The following GRAMD1B variants were observed in gnomAD, a reference collection of about 807,000 sequenced individuals.
GRAMD1B encodes protein Aster-B.
GRAMD1B carries 37 observed loss-of-function variants against 99.7 expected under a neutral mutation model. The ratio of observed to expected loss-of-function variants is 0.37; its 90% CI spans 0.29 to 0.49. GRAMD1B has a LOEUF of 0.49. Ranked by LOEUF, GRAMD1B falls within the 20% of genes least tolerant of loss-of-function variation. GRAMD1B has a pLI of 0.98. For synonymous variants in GRAMD1B, 427 were observed against 387.6 expected, an observed-to-expected ratio of 1.10 and a Z score of -1.19; for missense variants, 888 against 1,009.2, an observed-to-expected ratio of 0.88 and a Z score of 1.63.
intron 2 of GRAMD1B, among the ~76,000 whole-genome samples, chr11:123,543,878 C>G (rs1472896494): frequency 6.6e-6 from 1 of 152,172 alleles, no homozygotes; most frequent in Non-Finnish European, 1.5e-5. Context: ...CTGCTCTTGC[C>G]CTATCACAAC....
At chr11:123,570,993 C>T (rs1387531571) in intron 2 of GRAMD1B, among the ~76,000 whole-genome samples, 1 of 152,142 alleles carries the variant, frequency 6.6e-6, no homozygotes, top group East Asian at 1.9e-4. Context: ...GACAGTCTGA[C>T]TGGGAATGCG....
At chr11:123,377,637 T>C (rs1183898333) in intron 1 of GRAMD1B, among the ~76,000 whole-genome samples, 1 of 152,196 alleles carries the variant, frequency 6.6e-6, no homozygotes, top group Non-Finnish European at 1.5e-5. Context: ...CTTGCTTTTA[T>C]TGAGCACCCA....
chr11:123,574,702 C>G (rs1026323883), intron 2 of GRAMD1B, among the ~76,000 whole-genome samples: 3 of 152,086 alleles, frequency 2.0e-5, no homozygotes, highest in African/African-American at 7.2e-5. Context: ...CAGTGTGGGG[C>G]ACTCATGAGA....
intron 1 of GRAMD1B, among the ~76,000 whole-genome samples, chr11:123,448,025 T>C (rs978810576): frequency 6.8e-6 from 1 of 147,160 alleles, no homozygotes; most frequent in Non-Finnish European, 1.5e-5. Flanking sequence ...TTCTTTTATA[T>C]ATGTATTTAA....
intron 14 of GRAMD1B, among the ~76,000 whole-genome samples, chr11:123,612,098 T>G (rs1285877603): frequency 6.6e-6 from 1 of 151,800 alleles, no homozygotes; most frequent in Non-Finnish European, 1.5e-5. Flanking sequence ...ATTCTTTTTT[T>G]TTTTCTGAGA....
chr11:123,438,981 TG>T (rs552581346), intron 1 of GRAMD1B, among the ~76,000 whole-genome samples: 6 of 152,330 alleles, frequency 3.9e-5, no homozygotes, highest in African/African-American at 9.6e-5. Context: ...GGTTGCTGTG[TG>T]TACAAGAGCT....
intron 2 of GRAMD1B, among the ~76,000 whole-genome samples, chr11:123,482,278 T>C (rs1951655850): frequency 6.6e-6 from 1 of 152,068 alleles, no homozygotes; most frequent in South Asian, 2.1e-4. Flanking sequence ...TTTATATTTT[T>C]AGTAGAGACG....
Position 123,431,153 on chromosome 11 carries a change from T to C in GRAMD1B, c.361T>C (p.Cys121Arg), listed in dbSNP as rs866325936. 7 of 701,782 alleles carry C rather than the reference T, an allele frequency of 1.0e-5. No homozygotes were observed. Among genetic ancestry groups the C allele is most frequent in the Non-Finnish European group, 1.3e-5 (5 of 384,392 alleles). The allele number at this position is 701,782 out of a possible 1,614,324, so 43.5% of individuals were successfully genotyped here. Residue 121 changes from cysteine to arginine, a missense_variant, in exon 1 of 20, where the codon TGC becomes CGC. This residue lies in a region of GRAMD1B where 233 missense variants were observed against 154.6 expected (regional missense o/e 1.51). Transcript: ENST00000635736. ...KWLRVRERKE[C>R]SESSSQQSSQ... ...GCTGAGGGTGAGGGAGCGGAAGGAG[T>C]GCAGTGAAAGCAGGTACGTCCCCGT...
intron 1 of GRAMD1B, among the ~76,000 whole-genome samples, chr11:123,366,527 G>A (rs12223538): frequency 0.34 from 51,457 of 152,222 alleles, 14,106 homozygotes; most frequent in African/African-American, 0.77. Flanking sequence ...TAATTTAGGT[G>A]TCAAACCTTT....
intron 2 of GRAMD1B, among the ~76,000 whole-genome samples, chr11:123,488,273 G>C (rs1159697653): frequency 6.6e-6 from 1 of 152,186 alleles, no homozygotes; most frequent in African/African-American, 2.4e-5. Flanking sequence ...CCAACACTGA[G>C]TCTATAGCAC....
chr11:123,589,614 T>TTTTATATA (rs762751523), intron 4 of GRAMD1B, among the ~76,000 whole-genome samples: 1 of 128,272 alleles, frequency 7.8e-6, no homozygotes. Flanking sequence ...TGGCTAATTT[T>TTTTATATA]TATATATATA....
At chr11:123,387,485 A>G (rs970596498) in intron 1 of GRAMD1B, among the ~76,000 whole-genome samples, 1 of 152,100 alleles carries the variant, frequency 6.6e-6, no homozygotes, top group African/African-American at 2.4e-5. Flanking sequence ...GCTGGCAAAC[A>G]AAAGATGGGC....
intron 1 of GRAMD1B, among the ~76,000 whole-genome samples, chr11:123,461,343 C>T (rs1950404332): frequency 6.6e-6 from 1 of 152,222 alleles, no homozygotes; most frequent in Non-Finnish European, 1.5e-5. Context: ...TCCCCCAGGG[C>T]ACCAGCATTT....
At chr11:123,567,154 C>G (rs573921856) in intron 2 of GRAMD1B, among the ~76,000 whole-genome samples, 1 of 152,160 alleles carries the variant, frequency 6.6e-6, no homozygotes, top group East Asian at 1.9e-4. Context: ...GTGGGACCAA[C>G]AAGTGCCAAT....
chr11:123,527,276 G>A (rs1942882655), intron 2 of GRAMD1B, among the ~76,000 whole-genome samples: 1 of 152,152 alleles, frequency 6.6e-6, no homozygotes, highest in Non-Finnish European at 1.5e-5. Flanking sequence ...TCCTAACCTG[G>A]CTCTGGGCCA....
At chr11:123,552,273 C>CTTTTTTTTT (rs71060514) in intron 2 of GRAMD1B, among the ~76,000 whole-genome samples, 119 of 119,296 alleles carry the variant, frequency 1.0e-3, no homozygotes, top group East Asian at 1.5e-3. Flanking sequence ...CTCTTTCTTT[C>CTTTTTTTTT]TTTTTTTTTT....
At chr11:123,602,624 A>G (rs926975094) in intron 8 of GRAMD1B, among the ~76,000 whole-genome samples, 1 of 151,968 alleles carries the variant, frequency 6.6e-6, no homozygotes, top group Non-Finnish European at 1.5e-5. Flanking sequence ...TCTGAGACTC[A>G]TTCATGGTCT....
intron 1 of GRAMD1B, among the ~76,000 whole-genome samples, chr11:123,363,486 CT>C (rs1274710871): frequency 6.6e-6 from 1 of 152,142 alleles, no homozygotes; most frequent in Admixed American, 6.5e-5. Context: ...TGTTCTCTGG[CT>C]TTTGGGCTTG....
Position 123,593,985 on chromosome 11 carries a change from T to A in GRAMD1B, c.685-97T>A. ...TGGGAGGGCAGAGCCTCATCTTTGC[T>A]TTTTAAACACACAAGCAAGTGCTCC... is the stretch of plus-strand genomic sequence containing the variant. On this transcript the variant is annotated intron_variant, in intron 4 of 19. Transcript: ENST00000635736. 3.5e-6 allele frequency: 3 copies of A among 855,794 alleles called. No homozygotes were observed. The East Asian group carries it at 7.5e-5, about 21-fold the overall frequency. The allele number at this position is 855,794 out of a possible 1,614,324, so 53.0% of individuals were successfully genotyped here.
Sources: gnomAD v4.1 joint callset for allele counts (sites outside exome capture counted in the v4.1 genomes callset) on GRCh38, gnomAD v4.1.1 for gene constraint, gnomAD v4.1.1 regional missense constraint, MANE v1.5 for transcripts, NCBI Gene and HGNC (gene_info 2026-07-23, HGNC 2026-07-21) for gene names.